The following SETD2 variants were observed in gnomAD, a reference collection of about 807,000 sequenced individuals.
SETD2 encodes the protein SET domain containing 2, histone lysine methyltransferase.
Under a neutral mutation model 242.1 loss-of-function variants are expected in SETD2, and 31 were observed. The ratio of observed to expected loss-of-function variants is 0.13; its 90% CI spans 0.10 to 0.17. The LOEUF (loss-of-function observed/expected upper bound fraction) is 0.17, where lower values mean the gene tolerates loss of function less well. SETD2 is among the 10% of genes least tolerant of loss of function. The pLI is 1.00. For missense variants in SETD2, 2,481 were observed against 3,046.3 expected (o/e 0.81, Z 4.37); for synonymous variants, 1,006 against 1,066.5 (o/e 0.94, Z 1.11).
chr3:47,046,643 T>C, intron 15 of SETD2, 22 bp from the exon 16 acceptor site: 1 of 1,598,100 alleles, frequency 6.3e-7, no homozygotes, highest in South Asian at 1.1e-5. Context: ...AATGAAGAAA[T>C]CAATAATTTA....
chr3:47,100,623 A>C, intron 8 of SETD2, among the ~76,000 whole-genome samples: 1 of 152,150 alleles, frequency 6.6e-6, no homozygotes, highest in East Asian at 1.9e-4. Flanking sequence ...CCTCCTCAGT[A>C]TCTTTATTAA....
chr3:47,121,032 G>A lies in SETD2; in HGVS notation c.3604C>T (p.Leu1202=), dbSNP rs2043062159. ...TCAAAATCAGAAGAATAAATTGGCA[G>A]CTCTTCTTGCTGCCTAGAAGGTATT... The part of the protein sequence containing the change: ...AKIPSRQQEE[L]PIYSSDFEDV... Residue 1202 remains leucine, a synonymous_variant, in exon 3 of 21, where the codon CTG becomes TTG. Transcript: ENST00000409792. 6.2e-7 allele frequency: 1 copy of A among 1,614,188 alleles called. No individual in the cohort carries two copies. The highest frequency in any genetic ancestry group is 8.5e-7 in the Non-Finnish European group (1 of 1,180,024).
chr3:47,034,198 G>A (rs2038901002), intron 18 of SETD2, among the ~76,000 whole-genome samples: 1 of 152,158 alleles, frequency 6.6e-6, no homozygotes, highest in South Asian at 2.1e-4. Context: ...AAGAATAAAA[G>A]TGCCTCTCCA....
chr3:47,066,300 C>T (rs1293521205), intron 13 of SETD2, among the ~76,000 whole-genome samples: 2 of 152,070 alleles, frequency 1.3e-5, no homozygotes, highest in East Asian at 1.9e-4. Flanking sequence ...TCTGTATCTC[C>T]TATGTTGTTC....
At chr3:47,110,410 C>T (rs934860000) in intron 5 of SETD2, among the ~76,000 whole-genome samples, 1 of 152,086 alleles carries the variant, frequency 6.6e-6, no homozygotes, top group African/African-American at 2.4e-5. Flanking sequence ...TTAAAATGGT[C>T]AATATTATAT....
At chr3:47,120,054 CT>C (rs2043011218) in intron 3 of SETD2, 127 bp downstream of exon 3, 2 of 828,450 alleles carry the variant, frequency 2.4e-6, no homozygotes, top group East Asian at 5.5e-5. Context: ...CTTTTTTAGA[CT>C]TTTAAATTTA....
At chr3:47,079,396 T>C (rs984384364) in intron 12 of SETD2, among the ~76,000 whole-genome samples, 1 of 152,114 alleles carries the variant, frequency 6.6e-6, no homozygotes, top group African/African-American at 2.4e-5. Context: ...TCAAGATAGT[T>C]GTACAACCAA....
At chr3:47,043,935 C>T (rs1383214265) in intron 16 of SETD2, among the ~76,000 whole-genome samples, 2 of 152,156 alleles carry the variant, frequency 1.3e-5, no homozygotes, top group African/African-American at 2.4e-5. Context: ...TTATTCCCAA[C>T]ACAAAACTTT....
intron 14 of SETD2, among the ~76,000 whole-genome samples, chr3:47,058,051 GA>G (rs1449247889): frequency 1.3e-5 from 2 of 152,078 alleles, no homozygotes; most frequent in African/African-American, 4.8e-5. Flanking sequence ...CAGACCAAGA[GA>G]AAAGCCCGAT....
At position 47,124,150 on chromosome 3, in the gene SETD2, T is replaced by C; in HGVS notation, c.486A>G (p.Ala162=). The C allele has an allele frequency of 6.4e-7, 1 of 1,552,002 alleles. No homozygotes were observed. Among genetic ancestry groups the C allele is most frequent in the Non-Finnish European group, 8.7e-7 (1 of 1,147,050 alleles). Residue 162 remains alanine, a synonymous_variant, in exon 3 of 21, where the codon GCA becomes GCG. Transcript: ENST00000409792. ...TSRPLLATTT[A]VASPPTHAAP... Reference sequence around the variant, plus strand: ...CTGCATGAGTAGGTGGAGATGCTACTGCTGTGGTAGTAGCCAGCAGTGGCC... The same window carrying C: ...CTGCATGAGTAGGTGGAGATGCTACCGCTGTGGTAGTAGCCAGCAGTGGCC...
chr3:47,023,987 C>T (rs2038356925), intron 18 of SETD2, among the ~76,000 whole-genome samples: 1 of 152,142 alleles, frequency 6.6e-6, no homozygotes, highest in South Asian at 2.1e-4. Context: ...TTCATGAATC[C>T]GTATGCCTAT....
At position 47,062,332 on chromosome 3, in the gene SETD2, T is replaced by C. The variant is rs2107590036; in HGVS notation, c.6124A>G (p.Arg2042Gly). 6.2e-7 allele frequency: 1 copy of C among 1,600,996 alleles called. No homozygotes were observed. Among genetic ancestry groups the C allele is most frequent in the Non-Finnish European group, 8.5e-7 (1 of 1,175,652 alleles). ...EKENTTTERG[R>G]DAVGFRDQTP... ...TGATCTCTGAAGCCAACAGCATCCC[T>C]TCCTCGTTCAGTTGCTAAGGGAAAA... The change falls in exon 14 of 21, where the codon AGG becomes GGG. Residue 2042 changes from arginine to glycine, a missense_variant. Physicochemically the swap from Arg to Gly is moderately radical, Grantham distance 125. Transcript: ENST00000409792.
At chr3:47,050,775 G>GGC (rs890764861) in intron 15 of SETD2, among the ~76,000 whole-genome samples, 2 of 119,490 alleles carry the variant, frequency 1.7e-5, no homozygotes, top group African/African-American at 6.8e-5. Flanking sequence ...CTGTCACCCA[G>GGC]GCGGAAGTGC....
intron 16 of SETD2, 150 bp downstream of exon 16, chr3:47,046,337 A>C (rs1323473054): frequency 1.4e-5 from 6 of 433,992 alleles, no homozygotes; most frequent in South Asian, 6.7e-5. Context: ...ACTCTGTCTC[A>C]AAAAAAAAAT....
chr3:47,105,262 T>C (rs2042363812), intron 6 of SETD2, among the ~76,000 whole-genome samples: 1 of 151,626 alleles, frequency 6.6e-6, no homozygotes, highest in South Asian at 2.1e-4. Context: ...ATACAAAAAT[T>C]AGCTGGGCAT....
chr3:47,114,997 G>A (rs1294228578), intron 4 of SETD2, among the ~76,000 whole-genome samples: 2 of 151,918 alleles, frequency 1.3e-5, no homozygotes, highest in Non-Finnish European at 2.9e-5. Context: ...TGAAGGATTT[G>A]CTCTAGAGTG....
At chr3:47,038,035 C>T (rs1366271139) in intron 17 of SETD2, among the ~76,000 whole-genome samples, 1 of 152,070 alleles carries the variant, frequency 6.6e-6, no homozygotes. Flanking sequence ...AGCAGTAAAC[C>T]CAAACATCCT....
chr3:47,070,494 T>G (rs1464807329), intron 12 of SETD2, among the ~76,000 whole-genome samples: 1 of 152,196 alleles, frequency 6.6e-6, no homozygotes, highest in Non-Finnish European at 1.5e-5. Flanking sequence ...AACTGAAGTT[T>G]TCCAAAGTCC....
chr3:47,153,321 G>A (rs976118970), intron 1 of SETD2, among the ~76,000 whole-genome samples: 1 of 151,866 alleles, frequency 6.6e-6, no homozygotes, highest in South Asian at 2.1e-4. Context: ...ATTATACAAG[G>A]TAATTGCCTT....
Sources: gnomAD v4.1 joint callset for allele counts (sites outside exome capture counted in the v4.1 genomes callset) on GRCh38, gnomAD v4.1.1 for gene constraint, MANE v1.5 for transcripts, NCBI Gene and HGNC (gene_info 2026-07-23, HGNC 2026-07-21) for gene names.